Variants in CNKSR2 observed in about 807,000 individuals in gnomAD.
CNKSR2 encodes connector enhancer of kinase suppressor of Ras 2.
Under a neutral mutation model 84.4 loss-of-function variants are expected in CNKSR2, and 14 were observed. The observed-to-expected ratio is 0.17, with a 90% confidence interval of 0.11 to 0.26. The LOEUF is 0.26. CNKSR2 is among the 10% of genes least tolerant of loss of function. CNKSR2 has a pLI of 1.00. For synonymous variants in CNKSR2, 275 were observed against 277.9 expected, an observed-to-expected ratio of 0.99 and a Z score of 0.10; for missense variants, 485 against 771.2, an observed-to-expected ratio of 0.63 and a Z score of 4.40.
intron 1 of CNKSR2, among the ~76,000 whole-genome samples, chrX:21,417,879 T>G (rs2147032042): frequency 9.0e-6 from 1 of 111,664 alleles, no homozygotes; most frequent in South Asian, 3.7e-4. Flanking sequence ...TGACTTTTTA[T>G]TGGAGAGTTT....
chrX:21,584,800 A>C (rs2092375408), intron 13 of CNKSR2, among the ~76,000 whole-genome samples: 1 of 111,552 alleles, frequency 9.0e-6, no homozygotes, highest in African/African-American at 3.3e-5. Context: ...CAAAGGTAAC[A>C]GGGGACCAGA....
chrX:21,583,346 T>G (rs1440018919), intron 13 of CNKSR2, among the ~76,000 whole-genome samples: 3 of 111,959 alleles, frequency 2.7e-5, no homozygotes, highest in Non-Finnish European at 5.6e-5. Flanking sequence ...GACTTAATAT[T>G]TGGTTCTATT....
intron 1 of CNKSR2, among the ~76,000 whole-genome samples, chrX:21,401,623 C>T (rs748508194): frequency 8.9e-6 from 1 of 111,773 alleles, no homozygotes; most frequent in African/African-American, 3.2e-5. Flanking sequence ...GTAGAGAAAC[C>T]TATATAACAT....
chrX:21,396,922 A>G (rs1216032883), intron 1 of CNKSR2, among the ~76,000 whole-genome samples: 1 of 111,974 alleles, frequency 8.9e-6, no homozygotes, highest in Non-Finnish European at 1.9e-5. Flanking sequence ...TCTTTTGATC[A>G]CTGGTGTCAA....
chrX:21,467,410 T>A (rs962951411), intron 4 of CNKSR2, among the ~76,000 whole-genome samples: 1 of 111,004 alleles, frequency 9.0e-6, no homozygotes, highest in African/African-American at 3.3e-5. Context: ...ATGCCATTAT[T>A]TTCTCTTTCT....
At chrX:21,460,361 T>G (rs182112476) in intron 4 of CNKSR2, among the ~76,000 whole-genome samples, 112 of 112,155 alleles carry the variant, frequency 1.0e-3, no homozygotes, top group Non-Finnish European at 1.5e-3. Flanking sequence ...GAGTAATGTT[T>G]AACTTTTCCT....
At chrX:21,621,600 T>C (rs998327160) in intron 20 of CNKSR2, among the ~76,000 whole-genome samples, 8 of 111,287 alleles carry the variant, frequency 7.2e-5, no homozygotes, top group Non-Finnish European at 1.1e-4. Flanking sequence ...AGCATTAAAT[T>C]TTAAACTTTT....
intron 4 of CNKSR2, among the ~76,000 whole-genome samples, chrX:21,470,249 A>G (rs769185375): frequency 3.6e-5 from 4 of 112,096 alleles, no homozygotes; most frequent in African/African-American, 1.3e-4. Context: ...AATTATTATT[A>G]GTAGATGTAT....
chrX:21,624,206 G>A (rs1302927302), intron 20 of CNKSR2, among the ~76,000 whole-genome samples: 2 of 111,714 alleles, frequency 1.8e-5, no homozygotes, highest in African/African-American at 6.5e-5. Flanking sequence ...AAGAAAGAAA[G>A]AAAACAAAGG....
At chrX:21,595,233 G>T in intron 16 of CNKSR2, 91 bp from the exon 17 acceptor site, 2 of 722,614 alleles carry the variant, frequency 2.8e-6, no homozygotes, top group East Asian at 3.2e-5. Flanking sequence ...GTGAACTCGG[G>T]TTAGATGTTG....
chrX:21,385,932 A>G (rs1481937223), intron 1 of CNKSR2, among the ~76,000 whole-genome samples: 1 of 103,755 alleles, frequency 9.6e-6, no homozygotes, highest in Non-Finnish European at 1.9e-5. Flanking sequence ...AAGATGCCAC[A>G]TATTACTGTA....
intron 11 of CNKSR2, among the ~76,000 whole-genome samples, chrX:21,535,932 C>T (rs2091924114): frequency 9.0e-6 from 1 of 111,281 alleles, no homozygotes; most frequent in Non-Finnish European, 1.9e-5. Flanking sequence ...AGTGCTCATC[C>T]TTGTCTTGTT....
chrX:21,540,468 A>G (rs771178160), intron 11 of CNKSR2, among the ~76,000 whole-genome samples: 2 of 112,028 alleles, frequency 1.8e-5, no homozygotes, highest in East Asian at 2.8e-4. Context: ...AAGTGCGACA[A>G]TATTATCTTG....
chrX:21,403,523 C>T (rs1051621269), intron 1 of CNKSR2, among the ~76,000 whole-genome samples: 2 of 111,307 alleles, frequency 1.8e-5, no homozygotes, highest in Admixed American at 1.9e-4. Context: ...GTGACTATGA[C>T]TGATGATCGT....
At chrX:21,484,095 G>C (rs2091353325) in intron 5 of CNKSR2, among the ~76,000 whole-genome samples, 1 of 111,754 alleles carries the variant, frequency 8.9e-6, no homozygotes, top group African/African-American at 3.2e-5. Context: ...TTCAAGACCA[G>C]CCTGGCCAAC....
At chrX:21,620,611 C>G (rs1232919487) in intron 20 of CNKSR2, among the ~76,000 whole-genome samples, 1 of 111,093 alleles carries the variant, frequency 9.0e-6, no homozygotes, top group African/African-American at 3.3e-5. Context: ...TGTTGAAGAG[C>G]CTTACTTACA....
At chrX:21,458,452 A>T (rs2147119045) in intron 4 of CNKSR2, among the ~76,000 whole-genome samples, 1 of 112,402 alleles carries the variant, frequency 8.9e-6, no homozygotes, top group South Asian at 3.7e-4. Flanking sequence ...CTGTAAAAGT[A>T]ATCAGACTGA....
chrX:21,453,921 A>G (rs1343631249), intron 4 of CNKSR2, among the ~76,000 whole-genome samples: 2 of 111,446 alleles, frequency 1.8e-5, no homozygotes, highest in Non-Finnish European at 3.8e-5. Context: ...CAAGAACAGC[A>G]AGGGGGAAAC....
Position 21,375,848 on chromosome X carries a change from C to T in CNKSR2, c.64+887C>T, listed in dbSNP as rs745459367. On this transcript the variant is annotated intron_variant, in intron 1 of 21. Transcript: ENST00000379510. ...GCAAACGTGAGCTTTTTTTCTGATC[C>T]CTGGGCTTTCCTGTCTCACTACCTC... 6.3e-5 allele frequency among the ~76,000 whole-genome samples: 7 copies of T among 111,297 alleles called. No homozygotes were observed. The South Asian group carries it at 2.7e-3, about 42-fold the overall frequency.
Sources: gnomAD v4.1 joint callset for allele counts (sites outside exome capture counted in the v4.1 genomes callset) on GRCh38, gnomAD v4.1.1 for gene constraint, MANE v1.5 for transcripts, NCBI Gene and HGNC (gene_info 2026-07-23, HGNC 2026-07-21) for gene names.